Variants in DCDC1 observed in about 807,000 individuals in gnomAD.
DCDC1 encodes doublecortin domain-containing protein 1.
In DCDC1, 200 loss-of-function variants were observed where a neutral mutation model predicts 178.3. The observed-to-expected ratio is 1.12, with a 90% CI of 1.00 to 1.26. The LOEUF is 1.26. DCDC1 is among the 50% of genes most tolerant of loss of function. DCDC1 has a pLI of 0.00. For synonymous variants in DCDC1, 690 were observed against 604.8 expected (o/e 1.14, Z -2.07); for missense variants, 1,983 against 1,749.2 (o/e 1.13, Z -2.38).
intron 37 of DCDC1, among the ~76,000 whole-genome samples, chr11:30,879,464 T>A (rs12285675): frequency 0.025 from 3,732 of 152,286 alleles, 130 homozygotes; most frequent in African/African-American, 0.084. Context: ...CTTTCTGCGA[T>A]CAGAGATTTC....
chr11:30,884,510 CTT>C (rs1409829188), intron 36 of DCDC1, among the ~76,000 whole-genome samples: 2 of 151,878 alleles, frequency 1.3e-5, no homozygotes, highest in Non-Finnish European at 2.9e-5. Flanking sequence ...TCTTAGAAAA[CTT>C]AGGTGAATCA....
chr11:31,095,255 C>T (rs897739523), intron 15 of DCDC1, among the ~76,000 whole-genome samples: 3 of 152,094 alleles, frequency 2.0e-5, no homozygotes, highest in Non-Finnish European at 4.4e-5. Flanking sequence ...CATACATGTG[C>T]ATGTTTCTTT....
chr11:30,877,894 A>T (rs1047371945), intron 38 of DCDC1, among the ~76,000 whole-genome samples: 7 of 152,160 alleles, frequency 4.6e-5, no homozygotes, highest in African/African-American at 1.7e-4. Context: ...TTATCAAAAC[A>T]TTCCATATAT....
rs1288256017 is a variant in DCDC1 at position 31,081,006 on chromosome 11, C to T, written c.2238-3081G>A. Among the ~76,000 whole-genome samples the T allele has an allele frequency of 3.3e-5, 5 of 152,098 alleles. No individual in the cohort carries two copies. In the South Asian group the frequency reaches 6.2e-4, roughly 19 times the overall value. On this transcript the variant is annotated intron_variant, in intron 17 of 38. Coordinates refer to ENST00000684477, the MANE Select transcript of DCDC1 (RefSeq NM_001387274.1). ...TGATGAATTATGCTGATTTGAGTTT[C>T]GACTTTCTGAACTTACAGCATCTTC... is the stretch of plus-strand genomic sequence containing the variant.
intron 8 of DCDC1, among the ~76,000 whole-genome samples, chr11:31,263,976 T>C (rs1183487598): frequency 6.6e-6 from 1 of 152,206 alleles, no homozygotes; most frequent in African/African-American, 2.4e-5. Flanking sequence ...AGATATTAGA[T>C]GGATATCTAA....
intron 10 of DCDC1, among the ~76,000 whole-genome samples, chr11:31,131,188 C>CAAAAAAAAAAAAAAA (rs565349028): frequency 1.6e-3 from 34 of 21,540 alleles, no homozygotes; most frequent in African/African-American, 3.4e-3. Context: ...GACTCCGTCT[C>CAAAAAAAAAAAAAAA]AAAAAAAAAA....
intron 9 of DCDC1, among the ~76,000 whole-genome samples, chr11:31,162,023 T>C (rs933136874): frequency 2.6e-5 from 4 of 152,196 alleles, no homozygotes; most frequent in Admixed American, 6.6e-5. Context: ...GCTCAAAAAT[T>C]AAGCCATTTT....
rs1401230025 is a variant in DCDC1 at position 31,064,586 on chromosome 11, A to C, written c.2474T>G (p.Leu825Arg). 3 of 765,876 alleles carry C rather than the reference A, an allele frequency of 3.9e-6. No homozygotes were observed. Among genetic ancestry groups the C allele is most frequent in the Admixed American group, 1.7e-5 (1 of 58,952 alleles). The allele number at this position is 765,876 out of a possible 1,614,324, so 47.4% of individuals were successfully genotyped here. A position where few individuals can be genotyped will look rare whatever the true frequency, so the allele number is the denominator to read the frequency against. The stretch of plus-strand genomic sequence containing the variant: ...TAAATGGGTGTCTGAGGGTTCTGGC[A>C]GTTGCTTCAGACCAAGGTTGCTGGC... ...ESASNLGLKQ[L>R]PEPSDTHLMP... The change falls in exon 20 of 39, where the codon CTG becomes CGG. Residue 825 changes from leucine to arginine, a missense_variant. Transcript: ENST00000684477.
At chr11:31,185,979 T>C (rs1969431510) in intron 9 of DCDC1, among the ~76,000 whole-genome samples, 1 of 152,186 alleles carries the variant, frequency 6.6e-6, no homozygotes, top group Admixed American at 6.5e-5. Context: ...CCCTTCATTT[T>C]CTCGTTTAGA....
chr11:31,341,424 T>A (rs4477414), intron 1 of DCDC1, among the ~76,000 whole-genome samples: 1 of 150,338 alleles, frequency 6.7e-6, no homozygotes, highest in South Asian at 2.1e-4. Flanking sequence ...GATAGATAGA[T>A]AGATAGATAG....
At chr11:31,056,212 C>A (rs929222999) in intron 20 of DCDC1, among the ~76,000 whole-genome samples, 19 of 151,532 alleles carry the variant, frequency 1.3e-4, no homozygotes, top group African/African-American at 3.4e-4. Flanking sequence ...AGTTAACTAT[C>A]AAGATAATTG....
intron 20 of DCDC1, among the ~76,000 whole-genome samples, chr11:31,014,004 T>G (rs1255554568): frequency 6.6e-6 from 1 of 152,196 alleles, no homozygotes; most frequent in Non-Finnish European, 1.5e-5. Context: ...CAACCTTGTC[T>G]AGTTCCCTCC....
intron 30 of DCDC1, among the ~76,000 whole-genome samples, chr11:30,905,491 C>A (rs1476425222): frequency 2.0e-5 from 3 of 152,158 alleles, no homozygotes; most frequent in African/African-American, 4.8e-5. Context: ...TAATAATACA[C>A]TAACATTATG....
chr11:31,169,535 G>T (rs750880138), intron 9 of DCDC1, among the ~76,000 whole-genome samples: 12 of 152,190 alleles, frequency 7.9e-5, no homozygotes, highest in Admixed American at 1.3e-4. Flanking sequence ...GGCAGACAGA[G>T]AACTAGGCCA....
intron 9 of DCDC1, among the ~76,000 whole-genome samples, chr11:31,141,571 A>G (rs753954130): frequency 6.6e-6 from 1 of 152,224 alleles, no homozygotes; most frequent in Non-Finnish European, 1.5e-5. Flanking sequence ...TCAATAGATC[A>G]GTTGATCTAT....
At chr11:30,963,004 C>CT (rs1949199123) in intron 20 of DCDC1, among the ~76,000 whole-genome samples, 1 of 152,078 alleles carries the variant, frequency 6.6e-6, no homozygotes, top group Admixed American at 6.6e-5. Flanking sequence ...GTTCTTGAAT[C>CT]TGTTGCATTC....
chr11:31,260,466 A>G (rs1944707962), intron 8 of DCDC1, among the ~76,000 whole-genome samples: 1 of 152,178 alleles, frequency 6.6e-6, no homozygotes, highest in Non-Finnish European at 1.5e-5. Context: ...GAATATACAA[A>G]TATTTTGGAC....
intron 9 of DCDC1, among the ~76,000 whole-genome samples, chr11:31,227,788 T>A (rs1446654017): frequency 1.3e-5 from 2 of 151,888 alleles, no homozygotes; most frequent in Admixed American, 1.3e-4. Context: ...TAAGTTAAAA[T>A]TAAAGGATAG....
chr11:31,181,651 A>G (rs2136288617), intron 9 of DCDC1, among the ~76,000 whole-genome samples: 1 of 152,334 alleles, frequency 6.6e-6, no homozygotes, highest in Non-Finnish European at 1.5e-5. Context: ...AAAACTAACA[A>G]AAAGAAAGAA....
Sources: allele counts gnomAD v4.1 joint callset (sites outside exome capture counted in the v4.1 genomes callset), GRCh38; gene constraint gnomAD v4.1.1; transcripts MANE v1.5; gene names NCBI Gene and HGNC (gene_info 2026-07-23, HGNC 2026-07-21).